Variants in MYOM2 observed in about 807,000 individuals in gnomAD.
MYOM2 encodes the protein myomesin 2.
A neutral mutation model predicts 187.6 loss-of-function variants in MYOM2; 254 were observed. The ratio of observed to expected loss-of-function variants is 1.35; its 90% confidence interval spans 1.22 to 1.50. The LOEUF is 1.50. Among genes scored for constraint, MYOM2 ranks in the 40% most tolerant of loss-of-function variants. The pLI is 0.00. For missense variants in MYOM2, 2,796 were observed against 1,924.0 expected (o/e 1.45, Z -8.48); for synonymous variants, 981 against 753.8 (o/e 1.30, Z -4.94).
Position 2,099,017 on chromosome 8 carries a change from G to C in MYOM2, c.2440+34G>C, listed in dbSNP as rs1437156909. On this transcript the variant is annotated intron_variant, in intron 19 of 36. Transcript: ENST00000262113. Reference sequence around the variant, plus strand: ...CTGCCCCCAGGACACCCGCGTTCCAGCGCACAGGCTGGCTGGGAAGGGGCC... The same window carrying C: ...CTGCCCCCAGGACACCCGCGTTCCACCGCACAGGCTGGCTGGGAAGGGGCC... The C allele has an allele frequency of 2.5e-6, 4 of 1,573,422 alleles. No homozygotes were observed. The Admixed American group carries it at 7.0e-5, about 27-fold the overall frequency.
At chr8:2,105,127 T>G (rs1323603553) in intron 21 of MYOM2, among the ~76,000 whole-genome samples, 1 of 152,136 alleles carries the variant, frequency 6.6e-6, no homozygotes, top group East Asian at 1.9e-4. Flanking sequence ...CACTGGCTTT[T>G]ACATTTCAAT....
rs1480885317 is a variant in MYOM2, at chr8:2,092,366, C to T, written c.1849C>T (p.Arg617Trp). Residue 617 changes from arginine (R) to tryptophan (W), a missense_variant, in exon 16 of 37, where the codon CGG (arginine) becomes TGG (tryptophan). Physicochemically the swap from Arg to Trp is moderately radical, Grantham distance 101. Coordinates refer to ENST00000262113, the MANE Select transcript of MYOM2 (RefSeq NM_003970.4). ...AAAAGTTGTCCCTTCTGCTCCGGGT[C>T]GGGTTCTTGCTTCCCGAAACACCAA... The part of the protein sequence containing the change: ...DVTVVPSAPG[R>W]VLASRNTKTS... The T allele has an allele frequency of 2.8e-5, 45 of 1,613,894 alleles. No homozygotes were observed. The Admixed American group carries it at 4.0e-4, about 14-fold the overall frequency.
At chr8:2,081,885 C>G (rs142247950) in intron 13 of MYOM2, 1 of 152,384 alleles carries the variant, frequency 6.6e-6, no homozygotes, top group African/African-American at 2.4e-5. Context: ...CACAGATGCT[C>G]TTTTCCATGG....
chr8:2,087,180 G>C (rs1796122157), intron 14 of MYOM2, among the ~76,000 whole-genome samples: 1 of 152,172 alleles, frequency 6.6e-6, no homozygotes, highest in Non-Finnish European at 1.5e-5. Context: ...GTCCTACAAA[G>C]GCTGTAACTA....
chr8:2,101,678 T>C (rs1585908834), intron 20 of MYOM2, among the ~76,000 whole-genome samples: 1 of 152,236 alleles, frequency 6.6e-6, no homozygotes, highest in South Asian at 2.1e-4. Context: ...AGCTGTTAAT[T>C]GTCTGTTCAT....
chr8:2,070,454 A>C (rs1439305183), intron 8 of MYOM2, among the ~76,000 whole-genome samples: 1 of 152,078 alleles, frequency 6.6e-6, no homozygotes, highest in East Asian at 1.9e-4. Flanking sequence ...AAGACCACCA[A>C]AGGGCAGGCA....
chr8:2,102,176 T>G (rs1362809256), intron 20 of MYOM2: 1 of 152,582 alleles, frequency 6.6e-6, no homozygotes, highest in African/African-American at 2.4e-5. Flanking sequence ...TGAGTCAGCT[T>G]CTAAGAATCA....
Position 2,081,762 on chromosome 8 carries a change from C to G in MYOM2, c.1516+2149C>G, listed in dbSNP as rs186512252. The G allele has an allele frequency of 2.2e-3, 329 of 152,530 alleles. 1 individual carries two copies. Among genetic ancestry groups the G allele is most frequent in the Middle Eastern group, 3.4e-3 (1 of 294 alleles). The allele number at this position is 152,530 out of a possible 1,614,324, so 9.4% of individuals were successfully genotyped here. A position where few individuals can be genotyped will look rare whatever the true frequency, so the allele number is the denominator to read the frequency against. On this transcript the variant is annotated intron_variant, in intron 13 of 36. Coordinates refer to ENST00000262113, the MANE Select transcript of MYOM2 (RefSeq NM_003970.4). ...GGTGGGGTACACGAAGCCCGCTGTT[C>G]ATGAGGTGTCAAATGAAGAAAGAGC...
intron 17 of MYOM2, among the ~76,000 whole-genome samples, chr8:2,095,437 A>C (rs146385221): frequency 6.6e-6 from 1 of 152,028 alleles, no homozygotes; most frequent in African/African-American, 2.4e-5. Flanking sequence ...GACCACAGGC[A>C]CCACCACCAC....
chr8:2,086,742 C>A (rs1299488661), intron 14 of MYOM2, among the ~76,000 whole-genome samples: 1 of 152,192 alleles, frequency 6.6e-6, no homozygotes, highest in African/African-American at 2.4e-5. Context: ...TCTTCACTGC[C>A]GTGTGGAGGA....
chr8:2,139,831 C>G (rs1054494959), intron 32 of MYOM2, among the ~76,000 whole-genome samples: 1 of 152,174 alleles, frequency 6.6e-6, no homozygotes, highest in Admixed American at 6.5e-5. Flanking sequence ...ACAGTTTGGC[C>G]TTATATGTTG....
chr8:2,131,530 C>G (rs942999435), intron 32 of MYOM2, among the ~76,000 whole-genome samples: 2 of 150,846 alleles, frequency 1.3e-5, no homozygotes, highest in Non-Finnish European at 2.9e-5. Context: ...TCCCTAGATA[C>G]AAAAAGAGAA....
At chr8:2,103,652 T>C (rs974848834) in intron 21 of MYOM2, among the ~76,000 whole-genome samples, 17 of 151,084 alleles carry the variant, frequency 1.1e-4, no homozygotes, top group African/African-American at 4.2e-4. Flanking sequence ...GCATGTATTA[T>C]GTGTATATGT....
intron 14 of MYOM2, among the ~76,000 whole-genome samples, chr8:2,086,534 G>GATCTCCACGTGGCCACACAC (rs1796080907): frequency 6.6e-6 from 1 of 150,400 alleles, no homozygotes; most frequent in African/African-American, 2.4e-5. Flanking sequence ...ACACTGTCGT[G>GATCTCCACGTGGCCACACAC]TTTGCTGTGT....
intron 23 of MYOM2, among the ~76,000 whole-genome samples, chr8:2,106,912 T>G (rs1394612907): frequency 6.6e-6 from 1 of 152,162 alleles, no homozygotes; most frequent in Non-Finnish European, 1.5e-5. Context: ...AAGAAATCCA[T>G]GAAATTAATG....
chr8:2,055,030 C>T, intron 3 of MYOM2, among the ~76,000 whole-genome samples: 1 of 81,122 alleles, frequency 1.2e-5, no homozygotes, highest in African/African-American at 3.6e-5. Context: ...TACCTGGATA[C>T]TGGGGAACCA....
intron 1 of MYOM2, among the ~76,000 whole-genome samples, chr8:2,047,175 A>G (rs1464802078): frequency 6.6e-6 from 1 of 152,136 alleles, no homozygotes; most frequent in Non-Finnish European, 1.5e-5. Context: ...AGTCCTCTCC[A>G]GGGTTCCCTC....
intron 25 of MYOM2, among the ~76,000 whole-genome samples, chr8:2,110,207 C>A (rs1434078808): frequency 6.6e-6 from 1 of 152,118 alleles, no homozygotes; most frequent in African/African-American, 2.4e-5. Flanking sequence ...CCTGTAGTTC[C>A]AGCTACTTAG....
chr8:2,143,267 C>G, intron 35 of MYOM2, 134 bp from the exon 36 acceptor site: 2 of 1,008,254 alleles, frequency 2.0e-6, no homozygotes, highest in Non-Finnish European at 3.1e-6. Context: ...AAACCTTTTT[C>G]TTTGATGCTC....
Sources: allele counts gnomAD v4.1 joint callset (sites outside exome capture counted in the v4.1 genomes callset), GRCh38; gene constraint gnomAD v4.1.1; transcripts MANE v1.5; gene names NCBI Gene and HGNC (gene_info 2026-07-23, HGNC 2026-07-21).